Variants in C6orf62 observed in about 807,000 individuals in gnomAD.
The protein encoded by C6orf62 is chromosome 6 open reading frame 62.
A neutral mutation model predicts 26.8 loss-of-function variants in C6orf62; 16 were observed. That is an observed-to-expected ratio of 0.60 (90% CI 0.40 to 0.91). The LOEUF (loss-of-function observed/expected upper bound fraction) is 0.91. Ranked by LOEUF, C6orf62 falls within the 40% of genes least tolerant of loss-of-function variation. The pLI is 0.00. For synonymous variants in C6orf62, 112 were observed against 91.5 expected, an observed-to-expected ratio of 1.22 and a Z score of -1.28; for missense variants, 192 against 271.4, an observed-to-expected ratio of 0.71 and a Z score of 2.06.
upstream of C6orf62, chr6:24,719,798 C>A: frequency 1.3e-6 from 2 of 1,547,992 alleles, no homozygotes; most frequent in African/African-American, 1.4e-5. Context: ...GCCCGGAGAC[C>A]ACCTGCCTTC....
chr6:24,720,354 C>G, upstream of C6orf62: 2 of 1,238,994 alleles, frequency 1.6e-6, no homozygotes, highest in Non-Finnish European at 2.0e-6. Flanking sequence ...CACCAGCCAA[C>G]TGAGCCCCTC....
At chr6:24,715,591 A>T (rs1175705272) in intron 2 of C6orf62, among the ~76,000 whole-genome samples, 4 of 152,164 alleles carry the variant, frequency 2.6e-5, no homozygotes, top group Non-Finnish European at 5.9e-5. Context: ...TCACACCTGT[A>T]ATCTCAGCAC....
chr6:24,705,889 A>C lies in C6orf62; in HGVS notation c.*248T>G, dbSNP rs1158676697. 8.0e-6 allele frequency: 3 copies of C among 375,406 alleles called. No individual in the cohort carries two copies. The highest frequency in any genetic ancestry group is 6.1e-5 in the African/African-American group (3 of 48,918). 23.3% of individuals were successfully genotyped at this position (375,406 alleles called of 1,614,324 possible). ...CCTTTCATTTCACATTTTTAGTAAG[A>C]TACTGATGCAGTGCAGCAAATATGC... On this transcript the variant is annotated 3_prime_UTR_variant, in exon 5 of 5. Coordinates refer to ENST00000378119, the MANE Select transcript of C6orf62 (RefSeq NM_030939.5).
At chr6:24,706,317 T>G in intron 4 of C6orf62, 55 bp from the exon 5 acceptor site, 1 of 1,593,452 alleles carries the variant, frequency 6.3e-7, no homozygotes, top group Non-Finnish European at 8.6e-7. Context: ...AGCGTAACTG[T>G]CACATGAAGT....
chr6:24,709,200 C>T, intron 3 of C6orf62: 1 of 982,588 alleles, frequency 1.0e-6, no homozygotes, highest in Non-Finnish European at 1.2e-6. Context: ...CAGAACATTT[C>T]CTTAATTGTA....
At chr6:24,717,628 G>A (rs1452784369) in intron 1 of C6orf62, among the ~76,000 whole-genome samples, 1 of 152,118 alleles carries the variant, frequency 6.6e-6, no homozygotes, top group African/African-American at 2.4e-5. Context: ...GCCTGTCTCA[G>A]CAACAAAAAT....
chr6:24,716,827 G>A (rs1779243378), intron 1 of C6orf62, among the ~76,000 whole-genome samples: 1 of 151,968 alleles, frequency 6.6e-6, no homozygotes, highest in Non-Finnish European at 1.5e-5. Context: ...GGGTTCGAGG[G>A]GATCTCCTGC....
intron 2 of C6orf62, 42 bp from the exon 3 acceptor site, chr6:24,714,482 A>C: frequency 6.8e-7 from 1 of 1,467,922 alleles, no homozygotes; most frequent in Non-Finnish European, 9.2e-7. Context: ...TTTTAAAGAA[A>C]CAGCTACATC....
intron 3 of C6orf62, chr6:24,709,183 T>A: frequency 5.1e-6 from 5 of 978,048 alleles, no homozygotes; most frequent in Non-Finnish European, 6.1e-6. Context: ...AACAATCTCT[T>A]GAGATACAGA....
Position 24,718,930 on chromosome 6 carries a change from A to AG in C6orf62, c.-263dup. 8.0e-7 allele frequency: 1 copy of AG among 1,252,926 alleles called. No homozygotes were observed. Among genetic ancestry groups the AG allele is most frequent in the Non-Finnish European group, 1.0e-6 (1 of 996,142 alleles). 77.6% of individuals were successfully genotyped at this position (1,252,926 alleles called of 1,614,324 possible). On this transcript the variant is annotated 5_prime_UTR_variant, in exon 1 of 5. Coordinates refer to ENST00000378119, the MANE Select transcript of C6orf62 (RefSeq NM_030939.5). ...GGGTCAGACGGGAAAAAGGGAGGAA[A>AG]GAAAGGAAAGAAAGAGGAGAAAATA...
At chr6:24,719,935 T>C (rs996431784), upstream of C6orf62, 56 of 1,549,174 alleles carry the variant, frequency 3.6e-5, no homozygotes, top group African/African-American at 3.3e-4. Context: ...CCGGGTGGAG[T>C]GGGCGGGAGA....
In C6orf62 at chr6:24,705,732, C is replaced by G. The variant is rs1778994970; in HGVS notation, c.*405G>C. The G allele has an allele frequency of 6.4e-6, 1 of 155,688 alleles. No individual in the cohort carries two copies. Among genetic ancestry groups the G allele is most frequent in the South Asian group, 2.0e-4 (1 of 5,000 alleles). The allele number at this position is 155,688 out of a possible 1,614,324, so 9.6% of individuals were successfully genotyped here. On this transcript the variant is annotated 3_prime_UTR_variant, in exon 5 of 5. Coordinates refer to ENST00000378119, the MANE Select transcript of C6orf62 (RefSeq NM_030939.5). Reference sequence around the variant, plus strand: ...TTAAAAATGTTATTTATACCTGTTACATTCACTTCTCACCCTCTAAATACT... The same window carrying G: ...TTAAAAATGTTATTTATACCTGTTAGATTCACTTCTCACCCTCTAAATACT...
intron 4 of C6orf62, chr6:24,706,628 A>G (rs1779015544): frequency 1.1e-5 from 2 of 190,382 alleles, no homozygotes; most frequent in Admixed American, 5.6e-5. Context: ...GTAAAAATTT[A>G]AGGCTGGGTG....
chr6:24,720,054 GCT>G (rs1330353337), upstream of C6orf62: 3 of 1,223,354 alleles, frequency 2.5e-6, no homozygotes, highest in Admixed American at 3.5e-5. Flanking sequence ...TCCCGGATTA[GCT>G]CTCTCTCACG....
chr6:24,719,096 C>A lies in C6orf62; in HGVS notation c.-428G>T, dbSNP rs114410260. 5 of 988,274 alleles carry A rather than the reference C, an allele frequency of 5.1e-6. No homozygotes were observed. In the African/African-American group the frequency reaches 8.9e-5, roughly 18 times the overall value. The allele number at this position is 988,274 out of a possible 1,614,324, so 61.2% of individuals were successfully genotyped here. A position where few individuals can be genotyped will look rare whatever the true frequency, so the allele number is the denominator to read the frequency against. ...AATCCCTAAAATCCATCCGGATTTT[C>A]CCCCCTTTTTAGAAAAGGGATTAAG... On this transcript the variant is annotated 5_prime_UTR_variant, in exon 1 of 5. Coordinates refer to ENST00000378119, the MANE Select transcript of C6orf62 (RefSeq NM_030939.5).
chr6:24,719,467 GAAA>G (rs1779308230), upstream of C6orf62: 3 of 1,093,622 alleles, frequency 2.7e-6, no homozygotes, highest in Non-Finnish European at 3.4e-6. Flanking sequence ...GGAGCCATGA[GAAA>G]AAACAGCGGA....
At chr6:24,708,934 A>T (rs756594534) in intron 3 of C6orf62, 23 bp from the exon 4 acceptor site, 128 of 1,613,502 alleles carry the variant, frequency 7.9e-5, no homozygotes, top group Non-Finnish European at 9.6e-5. Flanking sequence ...TACAACATTT[A>T]TATTAAACTA....
At chr6:24,715,705 A>G (rs1028711795) in intron 2 of C6orf62, among the ~76,000 whole-genome samples, 7 of 151,926 alleles carry the variant, frequency 4.6e-5, no homozygotes, top group Non-Finnish European at 7.4e-5. Flanking sequence ...AAAATTAGCC[A>G]GGCATGGTGG....
intron 1 of C6orf62, 116 bp downstream of exon 1, chr6:24,718,424 G>C (rs1026561568): frequency 1.9e-6 from 2 of 1,050,610 alleles, no homozygotes; most frequent in Admixed American, 2.7e-5. Flanking sequence ...AGCATACAAA[G>C]CAGACTTTTT....
Sources: gnomAD v4.1 joint callset for allele counts (sites outside exome capture counted in the v4.1 genomes callset) on GRCh38, gnomAD v4.1.1 for gene constraint, MANE v1.5 for transcripts, NCBI Gene and HGNC (gene_info 2026-07-23, HGNC 2026-07-21) for gene names.